The following ROBO1 variants were observed in gnomAD, a reference collection of about 807,000 sequenced individuals.
ROBO1 encodes the protein roundabout guidance receptor 1.
A neutral mutation model predicts 195.9 loss-of-function variants in ROBO1; 149 were observed. That is an observed-to-expected ratio of 0.76 (90% CI 0.67 to 0.87). ROBO1 has a LOEUF of 0.87. ROBO1 is among the 40% of genes least tolerant of loss of function. The pLI, the probability that ROBO1 is intolerant of heterozygous loss-of-function variation, is 0.00. For synonymous variants in ROBO1, 816 were observed against 733.2 expected (o/e 1.11, Z -1.82); for missense variants, 1,933 against 2,068.3 (o/e 0.93, Z 1.27).
At chr3:79,241,280 A>G (rs2082512079) in intron 2 of ROBO1, among the ~76,000 whole-genome samples, 1 of 152,214 alleles carries the variant, frequency 6.6e-6, no homozygotes, top group Admixed American at 6.5e-5. Flanking sequence ...AACAGACTAG[A>G]GAAAATACTT....
intron 2 of ROBO1, among the ~76,000 whole-genome samples, chr3:79,350,787 TGGAGAGTAGAAG>T (rs2035312064): frequency 6.6e-6 from 1 of 152,092 alleles, no homozygotes; most frequent in Non-Finnish European, 1.5e-5. Flanking sequence ...CTGAGGGGAT[TGGAGAGTAGAAG>T]GGCAGTAGCT....
intron 2 of ROBO1, among the ~76,000 whole-genome samples, chr3:79,456,300 G>A (rs1027597696): frequency 7.9e-5 from 12 of 152,108 alleles, no homozygotes; most frequent in Non-Finnish European, 1.6e-4. Flanking sequence ...CTCAGAAGCT[G>A]TTAGAGCAGT....
At chr3:78,870,365 C>T (rs1050526986) in intron 4 of ROBO1, among the ~76,000 whole-genome samples, 1 of 152,212 alleles carries the variant, frequency 6.6e-6, no homozygotes, top group Admixed American at 6.5e-5. Flanking sequence ...CAGACTCTCA[C>T]TTACGACTTC....
At chr3:78,665,247 C>G (rs1456832607) in intron 14 of ROBO1, among the ~76,000 whole-genome samples, 2 of 152,148 alleles carry the variant, frequency 1.3e-5, no homozygotes, top group African/African-American at 2.4e-5. Context: ...ATTACTTGAT[C>G]CAGGCATAAT....
chr3:79,457,602 A>G (rs1316727761), intron 2 of ROBO1, among the ~76,000 whole-genome samples: 1 of 152,016 alleles, frequency 6.6e-6, no homozygotes, highest in African/African-American at 2.4e-5. Flanking sequence ...CATGAGAGAA[A>G]CCTGGTGGGA....
chr3:78,957,537 C>T (rs547137161), intron 3 of ROBO1, among the ~76,000 whole-genome samples: 10 of 152,100 alleles, frequency 6.6e-5, no homozygotes, highest in Non-Finnish European at 5.9e-5. Context: ...GCATGCAACA[C>T]GGTTACAATG....
At chr3:78,962,723 T>C (rs1053907417) in intron 3 of ROBO1, among the ~76,000 whole-genome samples, 1 of 146,808 alleles carries the variant, frequency 6.8e-6, no homozygotes, top group African/African-American at 2.6e-5. Context: ...ACTCGGGAGG[T>C]TGAGGCAGGA....
intron 5 of ROBO1, among the ~76,000 whole-genome samples, chr3:78,732,563 T>A (rs1334938625): frequency 6.6e-6 from 1 of 152,182 alleles, no homozygotes; most frequent in Non-Finnish European, 1.5e-5. Context: ...GTTTAAAGGT[T>A]AATCAGAATA....
intron 2 of ROBO1, among the ~76,000 whole-genome samples, chr3:79,178,614 A>C (rs2081293253): frequency 6.6e-6 from 1 of 152,162 alleles, no homozygotes; most frequent in Non-Finnish European, 1.5e-5. Context: ...TCCGAACAGA[A>C]AGGCACGGAG....
At chr3:79,087,650 T>A (rs1241334246) in intron 3 of ROBO1, among the ~76,000 whole-genome samples, 1 of 152,000 alleles carries the variant, frequency 6.6e-6, no homozygotes, top group Non-Finnish European at 1.5e-5. Context: ...CTTGTTTCTT[T>A]TCTCTAATTA....
At position 78,897,728 on chromosome 3, in the gene ROBO1, A is replaced by G. The variant is rs370334674; in HGVS notation, c.499+40873T>C. 4.7e-4 allele frequency among the ~76,000 whole-genome samples: 72 copies of G among 152,258 alleles called. 1 individual carries two copies. Among genetic ancestry groups the G allele is most frequent in the Middle Eastern group, 6.8e-3 (2 of 294 alleles). On this transcript the variant is annotated intron_variant, in intron 4 of 30. Coordinates refer to ENST00000464233, the MANE Select transcript of ROBO1 (RefSeq NM_002941.4). ...CATTTATAACATTACTTTTCAATGC[A>G]TTTGCTTACTCATAATTCCCACATA...
chr3:79,177,000 C>G (rs2081271661), intron 2 of ROBO1, among the ~76,000 whole-genome samples: 1 of 152,122 alleles, frequency 6.6e-6, no homozygotes, highest in Non-Finnish European at 1.5e-5. Flanking sequence ...GCAAGACAAT[C>G]TATATTCTTG....
chr3:79,654,515 A>C (rs2106773096), intron 1 of ROBO1, among the ~76,000 whole-genome samples: 1 of 152,160 alleles, frequency 6.6e-6, no homozygotes, highest in Middle Eastern at 3.4e-3. Flanking sequence ...AAACAACCAT[A>C]ATAAAAAGTA....
chr3:78,943,615 G>T (rs2040258830), intron 3 of ROBO1, among the ~76,000 whole-genome samples: 1 of 152,206 alleles, frequency 6.6e-6, no homozygotes, highest in Non-Finnish European at 1.5e-5. Context: ...GGCATACTAT[G>T]ATGTACAAGA....
rs540827698 is a variant in ROBO1, at chr3:79,138,747, T to A, written c.89-13208A>T. 7.2e-5 allele frequency among the ~76,000 whole-genome samples: 11 copies of A among 152,064 alleles called. No individual in the cohort carries two copies. In the East Asian group the frequency reaches 1.9e-3, roughly 27 times the overall value. Reference sequence around the variant, plus strand: ...AGTATGAATAAACAAGGAAGGTTTTTAAATATTGCCAGGTAGATGAATTAT... The same window carrying A: ...AGTATGAATAAACAAGGAAGGTTTTAAAATATTGCCAGGTAGATGAATTAT... On this transcript the variant is annotated intron_variant, in intron 2 of 30. Transcript: ENST00000464233.
intron 2 of ROBO1, among the ~76,000 whole-genome samples, chr3:79,520,367 C>T (rs1335640828): frequency 1.3e-5 from 2 of 152,088 alleles, no homozygotes; most frequent in East Asian, 1.9e-4. Context: ...AATGATGTCC[C>T]TCATCTCAGA....
At chr3:78,862,964 T>A (rs2034941369) in intron 4 of ROBO1, among the ~76,000 whole-genome samples, 1 of 152,210 alleles carries the variant, frequency 6.6e-6, no homozygotes, top group Non-Finnish European at 1.5e-5. Flanking sequence ...CTGAAGACAT[T>A]ATTTAATGAA....
chr3:78,901,770 T>C (rs1028271207), intron 4 of ROBO1, among the ~76,000 whole-genome samples: 1 of 152,162 alleles, frequency 6.6e-6, no homozygotes, highest in Non-Finnish European at 1.5e-5. Context: ...CAGTATTCCA[T>C]AGGTAGATTA....
chr3:78,883,672 T>G (rs2036321397), intron 4 of ROBO1, among the ~76,000 whole-genome samples: 1 of 152,196 alleles, frequency 6.6e-6, no homozygotes, highest in African/African-American at 2.4e-5. Context: ...ACATATGATA[T>G]TTAAATTATG....
Sources: gnomAD v4.1 joint callset for allele counts (sites outside exome capture counted in the v4.1 genomes callset) on GRCh38, gnomAD v4.1.1 for gene constraint, MANE v1.5 for transcripts, NCBI Gene and HGNC (gene_info 2026-07-23, HGNC 2026-07-21) for gene names.